Variants in LDLRAD3 observed in about 807,000 individuals in gnomAD.
LDLRAD3 encodes the protein low density lipoprotein receptor class A domain containing 3, also known as low-density lipoprotein receptor class A domain-containing protein 3.
A neutral mutation model predicts 29.4 loss-of-function variants in LDLRAD3; 20 were observed. The ratio of observed to expected loss-of-function variants is 0.68; its 90% CI spans 0.48 to 0.99. The LOEUF is 0.99. Ranked by LOEUF, LDLRAD3 falls within the 50% of genes least tolerant of loss-of-function variation. The pLI is 0.00. For synonymous variants in LDLRAD3, 157 were observed against 192.7 expected (o/e 0.81, Z 1.53); for missense variants, 420 against 454.3 (o/e 0.92, Z 0.69).
intron 3 of LDLRAD3, among the ~76,000 whole-genome samples, chr11:36,085,034 T>C (rs542627472): frequency 5.9e-5 from 9 of 152,394 alleles, no homozygotes; most frequent in African/African-American, 2.2e-4. Context: ...GATCACTCTT[T>C]CCTTCATTCA....
At chr11:36,166,534 T>C (rs1213094082) in intron 4 of LDLRAD3, among the ~76,000 whole-genome samples, 3 of 152,224 alleles carry the variant, frequency 2.0e-5, no homozygotes, top group Non-Finnish European at 4.4e-5. Context: ...CAAATATTTA[T>C]TTATTTTCCA....
chr11:36,182,566 C>T (rs147058248), intron 4 of LDLRAD3, among the ~76,000 whole-genome samples: 36 of 152,276 alleles, frequency 2.4e-4, no homozygotes, highest in African/African-American at 8.7e-4. Flanking sequence ...AGTGAGTGGG[C>T]TCCAATCTTG....
chr11:36,059,195 G>A (rs966900867), intron 2 of LDLRAD3, among the ~76,000 whole-genome samples: 6 of 152,096 alleles, frequency 3.9e-5, no homozygotes, highest in African/African-American at 9.7e-5. Context: ...GTGAGACATT[G>A]TCTCTACAGA....
chr11:36,156,247 T>C (rs894528248), intron 4 of LDLRAD3, among the ~76,000 whole-genome samples: 4 of 152,214 alleles, frequency 2.6e-5, no homozygotes, highest in African/African-American at 4.8e-5. Flanking sequence ...GGCTTCAAGA[T>C]TGAATCCAAA....
intron 1 of LDLRAD3, chr11:35,967,447 C>T (rs555569633): frequency 3.1e-5 from 10 of 325,406 alleles, no homozygotes; most frequent in African/African-American, 2.0e-4. Context: ...TGATTAATCC[C>T]AAGGCAAATA....
intron 1 of LDLRAD3, chr11:35,997,314 C>T: frequency 2.3e-6 from 1 of 428,880 alleles, no homozygotes; most frequent in Non-Finnish European, 4.5e-6. Context: ...AGTTCTCTGG[C>T]TAAAGATCAG....
At chr11:36,221,517 A>G (rs894011216) in intron 4 of LDLRAD3, among the ~76,000 whole-genome samples, 2 of 152,108 alleles carry the variant, frequency 1.3e-5, no homozygotes, top group African/African-American at 4.8e-5. Context: ...CAATAAAGGA[A>G]CTGAGCCAGG....
At chr11:36,045,722 G>GT (rs34312180) in intron 2 of LDLRAD3, among the ~76,000 whole-genome samples, 44,717 of 138,486 alleles carry the variant, frequency 0.32, 8,067 homozygotes, top group East Asian at 0.5. Flanking sequence ...GATCTGATGG[G>GT]TTTTTTTTTT....
At chr11:36,017,493 C>T (rs893219946) in intron 1 of LDLRAD3, among the ~76,000 whole-genome samples, 3 of 151,198 alleles carry the variant, frequency 2.0e-5, no homozygotes, top group African/African-American at 7.3e-5. Context: ...TTTGATTGTG[C>T]TTTTTCTTCA....
intron 1 of LDLRAD3, among the ~76,000 whole-genome samples, chr11:36,004,139 A>G (rs1033771943): frequency 6.6e-6 from 1 of 152,198 alleles, no homozygotes; most frequent in Admixed American, 6.5e-5. Flanking sequence ...TCTCTTCTCA[A>G]CAGTCCCCTA....
chr11:36,191,361 G>C (rs1854939001), intron 4 of LDLRAD3, among the ~76,000 whole-genome samples: 1 of 151,896 alleles, frequency 6.6e-6, no homozygotes, highest in African/African-American at 2.4e-5. Flanking sequence ...AACATACTGA[G>C]ACCCCATATC....
chr11:36,079,087 G>A (rs1045941560), intron 2 of LDLRAD3, among the ~76,000 whole-genome samples: 3 of 152,306 alleles, frequency 2.0e-5, no homozygotes, highest in African/African-American at 4.8e-5. Flanking sequence ...ACCTACTGCC[G>A]CCACTGCTGC....
At chr11:36,209,237 C>A (rs1046293188) in intron 4 of LDLRAD3, among the ~76,000 whole-genome samples, 2 of 151,294 alleles carry the variant, frequency 1.3e-5, no homozygotes, top group Non-Finnish European at 2.9e-5. Context: ...TGAATCAATT[C>A]TATTAACTTA....
chr11:35,982,264 G>T (rs1851551293), intron 1 of LDLRAD3, among the ~76,000 whole-genome samples: 1 of 152,076 alleles, frequency 6.6e-6, no homozygotes, highest in African/African-American at 2.4e-5. Flanking sequence ...GGCACTCTTT[G>T]TCGTTCCTTG....
At chr11:36,040,725 C>T (rs1337463864) in intron 2 of LDLRAD3, among the ~76,000 whole-genome samples, 7 of 152,228 alleles carry the variant, frequency 4.6e-5, no homozygotes, top group Middle Eastern at 3.4e-3. Context: ...GGAGGGAAGG[C>T]GCCTTTTCTG....
intron 4 of LDLRAD3, among the ~76,000 whole-genome samples, chr11:36,159,313 T>A (rs1274758921): frequency 6.6e-6 from 1 of 151,032 alleles, no homozygotes; most frequent in Non-Finnish European, 1.5e-5. Context: ...ATAAAAATTT[T>A]AAAAAACTTG....
At chr11:36,081,012 G>A (rs1853105045) in intron 2 of LDLRAD3, among the ~76,000 whole-genome samples, 1 of 151,942 alleles carries the variant, frequency 6.6e-6, no homozygotes, top group Non-Finnish European at 1.5e-5. Flanking sequence ...AGTGTAAGTT[G>A]TACTGTTTGC....
intron 4 of LDLRAD3, among the ~76,000 whole-genome samples, chr11:36,130,191 A>G (rs1043052705): frequency 6.6e-6 from 1 of 152,186 alleles, no homozygotes; most frequent in African/African-American, 2.4e-5. Context: ...GTAGGACACG[A>G]TAGTAGCACG....
intron 3 of LDLRAD3, among the ~76,000 whole-genome samples, chr11:36,089,665 A>G (rs1371736812): frequency 6.6e-6 from 1 of 152,142 alleles, no homozygotes; most frequent in Non-Finnish European, 1.5e-5. Context: ...CAGTGGTGCA[A>G]TCATAGCTCA....
Sources: allele counts gnomAD v4.1 joint callset (sites outside exome capture counted in the v4.1 genomes callset), GRCh38; gene constraint gnomAD v4.1.1; transcripts MANE v1.5; gene names NCBI Gene and HGNC (gene_info 2026-07-23, HGNC 2026-07-21).